The following PRRC2B variants were observed in gnomAD, a reference collection of about 807,000 sequenced individuals.
The protein encoded by PRRC2B is proline rich coiled-coil 2B.
In PRRC2B, 68 loss-of-function variants were observed where a neutral mutation model predicts 242.3. The ratio of observed to expected loss-of-function variants is 0.28; its 90% confidence interval spans 0.23 to 0.34. The LOEUF (loss-of-function observed/expected upper bound fraction) is 0.34. Among genes scored for constraint, PRRC2B ranks in the 10% least tolerant of loss-of-function variants. PRRC2B has a pLI of 1.00. For synonymous variants in PRRC2B, 1,228 were observed against 1,173.6 expected (o/e 1.05, Z -0.95); for missense variants, 2,835 against 2,954.8 (o/e 0.96, Z 0.94).
At chr9:131,405,520 C>T (rs978089341) in intron 1 of PRRC2B, among the ~76,000 whole-genome samples, 1 of 152,126 alleles carries the variant, frequency 6.6e-6, no homozygotes, top group Non-Finnish European at 1.5e-5. Flanking sequence ...CTTCTCGACT[C>T]AACCTCTTGG....
intron 9 of PRRC2B, among the ~76,000 whole-genome samples, chr9:131,451,052 C>T (rs1055503633): frequency 6.6e-6 from 1 of 152,128 alleles, no homozygotes; most frequent in African/African-American, 2.4e-5. Flanking sequence ...TTAGAAATGA[C>T]ATTGATTTTT....
At chr9:131,472,344 A>T (rs1221689019) in intron 14 of PRRC2B, among the ~76,000 whole-genome samples, 1 of 152,104 alleles carries the variant, frequency 6.6e-6, no homozygotes, top group African/African-American at 2.4e-5. Context: ...TTGCTCTGTC[A>T]TGCAGGTTGG....
chr9:131,412,596 A>G (rs1432527733), intron 1 of PRRC2B, among the ~76,000 whole-genome samples: 1 of 152,196 alleles, frequency 6.6e-6, no homozygotes, highest in Non-Finnish European at 1.5e-5. Context: ...CACCAGGTAC[A>G]TGAGGGTCAT....
In PRRC2B at chr9:131,488,048, G is replaced by C; in HGVS notation, c.6177G>C (p.Gln2059His). 1 of 1,613,368 alleles carries C rather than the reference G, an allele frequency of 6.2e-7. No individual in the cohort carries two copies. The highest frequency in any genetic ancestry group is 8.5e-7 in the Non-Finnish European group (1 of 1,179,638). The part of the protein sequence containing the change: ...QALVYEGQLS[Q>H]AAGLGASQML... Reference sequence around the variant, plus strand: ...TGGTCTACGAGGGCCAGCTCAGCCAGGCTGCTGGCCTGGGTGCCTCCCAGA... The same window carrying C: ...TGGTCTACGAGGGCCAGCTCAGCCACGCTGCTGGCCTGGGTGCCTCCCAGA... The change falls in exon 28 of 32, where the codon CAG (glutamine) becomes CAC (histidine). Residue 2059 changes from glutamine (Q) to histidine (H), a missense_variant. Around this residue, in one of 7 missense-constraint regions of PRRC2B, gnomAD observed 574 missense variants for 626.0 expected, o/e 0.92. Coordinates refer to ENST00000683519, the MANE Select transcript of PRRC2B (RefSeq NM_013318.4).
intron 10 of PRRC2B, among the ~76,000 whole-genome samples, chr9:131,458,616 C>T (rs1943152549): frequency 1.3e-5 from 2 of 152,002 alleles, no homozygotes; most frequent in Non-Finnish European, 2.9e-5. Context: ...GCACTTCTCC[C>T]ACCTCAGCCT....
At chr9:131,391,008 AAC>A (rs1836894392), upstream of PRRC2B, among the ~76,000 whole-genome samples, 1 of 151,502 alleles carries the variant, frequency 6.6e-6, no homozygotes, top group Admixed American at 6.6e-5. Context: ...GCTGGTCTCG[AAC>A]GCCTGACCAA....
intron 13 of PRRC2B, among the ~76,000 whole-genome samples, 159 bp from the exon 14 acceptor site, chr9:131,470,629 G>T (rs901241805): frequency 2.6e-5 from 4 of 152,068 alleles, no homozygotes; most frequent in African/African-American, 7.2e-5. Flanking sequence ...CACACTGGGG[G>T]CTTCCCCTTG....
Position 131,495,924 on chromosome 9 carries a change from T to G in PRRC2B, c.*50T>G, listed in dbSNP as rs745487767. On this transcript the variant is annotated 3_prime_UTR_variant, in exon 32 of 32. Coordinates refer to ENST00000683519, the MANE Select transcript of PRRC2B (RefSeq NM_013318.4). ...CTCCCTACTGAGGACGGTGCCGCCA[T>G]GCGGCCTCGACACAGCCGACACTCG... 8 of 1,578,936 alleles carry G rather than the reference T, an allele frequency of 5.1e-6. No homozygotes were observed. Among genetic ancestry groups the G allele is most frequent in the Non-Finnish European group, 6.9e-6 (8 of 1,156,742 alleles).
At chr9:131,442,382 G>T (rs911722029) in intron 5 of PRRC2B, among the ~76,000 whole-genome samples, 1 of 151,640 alleles carries the variant, frequency 6.6e-6, no homozygotes, top group African/African-American at 2.4e-5. Flanking sequence ...GTTTTTATTT[G>T]ATTCTTGCCA....
At chr9:131,419,398 C>T (rs1014878955) in intron 1 of PRRC2B, among the ~76,000 whole-genome samples, 2 of 152,188 alleles carry the variant, frequency 1.3e-5, no homozygotes, top group African/African-American at 4.8e-5. Context: ...GACACACCAA[C>T]GTGGGGACGG....
chr9:131,438,596 A>G (rs965935572), intron 4 of PRRC2B, among the ~76,000 whole-genome samples: 7 of 152,130 alleles, frequency 4.6e-5, no homozygotes, highest in African/African-American at 1.7e-4. Context: ...TTAAAGACAC[A>G]TGCCGGAACT....
In PRRC2B at chr9:131,482,233, G is replaced by A; in HGVS notation, c.4984-138G>A. The A allele has an allele frequency of 2.1e-6, 2 of 950,230 alleles. No homozygotes were observed. Among genetic ancestry groups the A allele is most frequent in the Non-Finnish European group, 1.6e-6 (1 of 625,854 alleles). 58.9% of individuals were successfully genotyped at this position (950,230 alleles called of 1,614,324 possible). On this transcript the variant is annotated intron_variant, in intron 20 of 31. Transcript: ENST00000683519. This position sits in a 1 kb window ranked among gnomAD's most constrained non-coding sequence, Gnocchi z 5.2. ...GTAAGTTGTCAGGCATCCTCAGCAG[G>A]GCAGGATCAAGATCAGGACCAGACT...
intron 1 of PRRC2B, among the ~76,000 whole-genome samples, chr9:131,377,961 G>T (rs1836707828): frequency 6.6e-6 from 1 of 152,018 alleles, no homozygotes; most frequent in African/African-American, 2.4e-5. Flanking sequence ...TCCCTCTGTT[G>T]CCCAGGCTAA....
intron 1 of PRRC2B, among the ~76,000 whole-genome samples, chr9:131,409,920 C>T (rs1033310244): frequency 6.6e-6 from 1 of 152,198 alleles, no homozygotes; most frequent in Non-Finnish European, 1.5e-5. Flanking sequence ...GTTGCATTTG[C>T]AGAGTACTTC....
At position 131,495,914 on chromosome 9, in the gene PRRC2B, G is replaced by A. The variant is rs751036562; in HGVS notation, c.*40G>A. ...CACCTCGCCTCTCCCTACTGAGGAC[G>A]GTGCCGCCATGCGGCCTCGACACAG... On this transcript the variant is annotated 3_prime_UTR_variant, in exon 32 of 32. Transcript: ENST00000683519. 1.9e-6 allele frequency: 3 copies of A among 1,583,822 alleles called. No homozygotes were observed. Among genetic ancestry groups the A allele is most frequent in the African/African-American group, 1.3e-5 (1 of 74,476 alleles).
intron 1 of PRRC2B, among the ~76,000 whole-genome samples, chr9:131,427,281 T>C (rs1462835673): frequency 3.9e-5 from 6 of 152,188 alleles, no homozygotes; most frequent in African/African-American, 1.4e-4. Flanking sequence ...GGCCCCTGTT[T>C]GTAATCGATT....
chr9:131,383,433 C>T (rs1358263156), intron 1 of PRRC2B, among the ~76,000 whole-genome samples: 1 of 152,064 alleles, frequency 6.6e-6, no homozygotes, highest in African/African-American at 2.4e-5. Context: ...CCCTGTTATC[C>T]TCCTACCCTT....
chr9:131,443,393 C>T (rs1386478706), intron 5 of PRRC2B, among the ~76,000 whole-genome samples: 1 of 151,984 alleles, frequency 6.6e-6, no homozygotes, highest in Non-Finnish European at 1.5e-5. Context: ...GCGTCGGCCT[C>T]CCAAAGTGCT....
At chr9:131,425,130 C>T (rs1292082675) in intron 1 of PRRC2B, among the ~76,000 whole-genome samples, 1 of 152,070 alleles carries the variant, frequency 6.6e-6, no homozygotes, top group East Asian at 1.9e-4. Flanking sequence ...AGATTACAGG[C>T]GTGCACCACC....
Sources: gnomAD v4.1 joint callset for allele counts (sites outside exome capture counted in the v4.1 genomes callset) on GRCh38, gnomAD v4.1.1 for gene constraint, gnomAD v4.1.1 regional missense constraint, Gnocchi (gnomAD v3.1) non-coding constraint, MANE v1.5 for transcripts, NCBI Gene and HGNC (gene_info 2026-07-23, HGNC 2026-07-21) for gene names.